The following PLCH1 variants were observed in gnomAD, a reference collection of about 807,000 sequenced individuals.
PLCH1 encodes 1-phosphatidylinositol 4,5-bisphosphate phosphodiesterase eta-1.
A neutral mutation model predicts 126.7 loss-of-function variants in PLCH1; 60 were observed. The ratio of observed to expected loss-of-function variants is 0.47; its 90% CI spans 0.38 to 0.59. The LOEUF is 0.59. Among genes scored for constraint, PLCH1 ranks in the 20% least tolerant of loss-of-function variants. The pLI is 0.00. For missense variants in PLCH1, 1,723 were observed against 2,040.0 expected (o/e 0.84, Z 2.99); for synonymous variants, 719 against 734.9 (o/e 0.98, Z 0.35).
rs181729095 is a variant in PLCH1, at chr3:155,603,944, A to T, written c.80-7566T>A. 3.0e-3 allele frequency among the ~76,000 whole-genome samples: 460 copies of T among 152,146 alleles called. 2 individuals carry two copies. Among genetic ancestry groups the T allele is most frequent in the South Asian group, 0.02 (94 of 4,820 alleles). ...GAGACCTGGTCTCTACAAAAAATTT[A>T]AAAAATTAACCAGGTCTCGTGGCAC... On this transcript the variant is annotated intron_variant, in intron 2 of 22. Transcript: ENST00000460012.
chr3:155,639,446 GC>G (rs1739136655), intron 2 of PLCH1, among the ~76,000 whole-genome samples: 1 of 152,108 alleles, frequency 6.6e-6, no homozygotes, highest in East Asian at 1.9e-4. Flanking sequence ...GGGCTACAGA[GC>G]AAAACCCTGT....
intron 2 of PLCH1, among the ~76,000 whole-genome samples, chr3:155,618,874 C>T (rs1366271156): frequency 6.6e-6 from 1 of 152,172 alleles, no homozygotes; most frequent in African/African-American, 2.4e-5. Context: ...CCATTGCAAC[C>T]AGATAATGCT....
chr3:155,586,999 A>AT (rs1483793655), intron 4 of PLCH1, among the ~76,000 whole-genome samples: 3 of 152,130 alleles, frequency 2.0e-5, no homozygotes, highest in African/African-American at 4.8e-5. Context: ...ATAAACATAA[A>AT]TATTTCTATA....
At position 155,483,362 on chromosome 3, in the gene PLCH1, C is replaced by G. The variant is rs1388136819; in HGVS notation, c.2975-311G>C. ...AGTGAGGATTACCTTAAGTTGTTTC[C>G]TATTCAGATTTGTACTACACAGAAG... is the stretch of plus-strand genomic sequence containing the variant. On this transcript the variant is annotated intron_variant, in intron 22 of 22. Coordinates refer to ENST00000460012, the MANE Select transcript of PLCH1 (RefSeq NM_014996.4). 2.6e-6 allele frequency: 4 copies of G among 1,544,540 alleles called. No homozygotes were observed. The East Asian group carries it at 9.8e-5, about 38-fold the overall frequency.
At chr3:155,730,262 A>C (rs930659348) in intron 1 of PLCH1, among the ~76,000 whole-genome samples, 14 of 151,696 alleles carry the variant, frequency 9.2e-5, no homozygotes, top group African/African-American at 3.4e-4. Flanking sequence ...TCAAGCTCAA[A>C]AGAGCATCAA....
At chr3:155,632,611 A>G (rs888574190) in intron 2 of PLCH1, among the ~76,000 whole-genome samples, 2 of 152,216 alleles carry the variant, frequency 1.3e-5, no homozygotes, top group African/African-American at 4.8e-5. Flanking sequence ...ACTGCTCACA[A>G]AAAAATTGTT....
intron 2 of PLCH1, among the ~76,000 whole-genome samples, chr3:155,691,392 C>T (rs446716): frequency 0.39 from 58,739 of 151,680 alleles, 11,812 homozygotes; most frequent in East Asian, 0.54. Context: ...TCAGTTATAG[C>T]AACAACCGTC....
At chr3:155,672,779 G>A (rs772143061) in intron 2 of PLCH1, among the ~76,000 whole-genome samples, 3 of 152,222 alleles carry the variant, frequency 2.0e-5, no homozygotes, top group Non-Finnish European at 4.4e-5. Flanking sequence ...TGCAGAAAAA[G>A]CAGCAGTTAT....
At chr3:155,513,127 GAGCCATACTC>G (rs1177303265) in intron 12 of PLCH1, among the ~76,000 whole-genome samples, 2 of 152,308 alleles carry the variant, frequency 1.3e-5, no homozygotes, top group East Asian at 3.9e-4. Flanking sequence ...GTGCTGCCCA[GAGCCATACTC>G]AGCACATTCT....
chr3:155,605,811 G>T (rs1734281284), intron 2 of PLCH1, among the ~76,000 whole-genome samples: 1 of 152,092 alleles, frequency 6.6e-6, no homozygotes, highest in African/African-American at 2.4e-5. Flanking sequence ...CTAACTTCCT[G>T]TGTTGAATTT....
Position 155,471,879 on chromosome 3 carries a change from C to T in PLCH1, c.2938+13477G>A, listed in dbSNP as rs539614135. 1.4e-3 allele frequency among the ~76,000 whole-genome samples: 207 copies of T among 151,944 alleles called. 1 individual carries two copies. Among genetic ancestry groups the T allele is most frequent in the Middle Eastern group, 3.4e-3 (1 of 294 alleles). On this transcript the variant is annotated intron_variant, in intron 21 of 21. Transcript: ENST00000494598. ...AAATAAAGATGTTCTTTGAAACCAA[C>T]GAGAACAAAGACACAACATACCAGA...
intron 3 of PLCH1, among the ~76,000 whole-genome samples, chr3:155,594,773 A>G (rs1167543145): frequency 6.6e-6 from 1 of 152,174 alleles, no homozygotes; most frequent in Non-Finnish European, 1.5e-5. Context: ...AAAAAAATAG[A>G]TATGTCAATT....
At chr3:155,616,870 T>C (rs193297926) in intron 2 of PLCH1, among the ~76,000 whole-genome samples, 21 of 152,218 alleles carry the variant, frequency 1.4e-4, no homozygotes, top group Admixed American at 2.6e-4. Flanking sequence ...ACCTTTGATA[T>C]GTGACAAACT....
chr3:155,722,494 C>T (rs1376730634), intron 1 of PLCH1, among the ~76,000 whole-genome samples: 2 of 152,126 alleles, frequency 1.3e-5, no homozygotes, highest in African/African-American at 4.8e-5. Flanking sequence ...ATGTATGTCC[C>T]TTCTATGGCA....
intron 21 of PLCH1, among the ~76,000 whole-genome samples, chr3:155,469,636 C>G (rs1394617701): frequency 6.6e-6 from 1 of 152,160 alleles, no homozygotes; most frequent in African/African-American, 2.4e-5. Flanking sequence ...CACAGACAAA[C>G]AAAAAGACAG....
chr3:155,729,055 T>C (rs1231413907), intron 1 of PLCH1, among the ~76,000 whole-genome samples: 1 of 152,238 alleles, frequency 6.6e-6, no homozygotes, highest in Admixed American at 6.5e-5. Context: ...TTCCACACTT[T>C]TTAAATAGTG....
intron 2 of PLCH1, among the ~76,000 whole-genome samples, chr3:155,627,260 A>G (rs1737423332): frequency 6.6e-6 from 1 of 152,232 alleles, no homozygotes; most frequent in African/African-American, 2.4e-5. Flanking sequence ...TACTGACATA[A>G]TGAAGCAAAG....
Position 155,588,802 on chromosome 3 carries a change from A to G in PLCH1, c.471-2608T>C, listed in dbSNP as rs572535700. On this transcript the variant is annotated intron_variant, in intron 4 of 22. Transcript: ENST00000460012. ...TCTACTGCTTACTTGGCCTTGTGAC[A>G]GTGGGTTACTCATATCACCTCCTGG... 5.9e-5 allele frequency among the ~76,000 whole-genome samples: 9 copies of G among 152,288 alleles called. No homozygotes were observed. In the East Asian group the frequency reaches 1.7e-3, roughly 29 times the overall value.
intron 1 of PLCH1, among the ~76,000 whole-genome samples, chr3:155,744,554 A>G (rs956454472): frequency 6.6e-6 from 1 of 152,010 alleles, no homozygotes; most frequent in Non-Finnish European, 1.5e-5. Flanking sequence ...ACCCACCACC[A>G]CCGCAAGGGA....
Sources: gnomAD v4.1 joint callset for allele counts (sites outside exome capture counted in the v4.1 genomes callset) on GRCh38, gnomAD v4.1.1 for gene constraint, MANE v1.5 for transcripts, NCBI Gene and HGNC (gene_info 2026-07-23, HGNC 2026-07-21) for gene names.